Variants in SNX30 observed in about 807,000 individuals in gnomAD.
SNX30 encodes the protein sorting nexin-30.
Under a neutral mutation model 46.4 loss-of-function variants are expected in SNX30, and 24 were observed. The ratio of observed to expected loss-of-function variants is 0.52; its 90% CI spans 0.37 to 0.73. The LOEUF is 0.73. Among genes scored for constraint, SNX30 ranks in the 30% least tolerant of loss-of-function variants. SNX30 has a pLI of 0.00. For synonymous variants in SNX30, 189 were observed against 211.5 expected, an observed-to-expected ratio of 0.89 and a Z score of 0.92; for missense variants, 533 against 555.7, an observed-to-expected ratio of 0.96 and a Z score of 0.41.
intron 3 of SNX30, among the ~76,000 whole-genome samples, chr9:112,830,178 A>T (rs1840639133): frequency 6.6e-6 from 1 of 152,222 alleles, no homozygotes; most frequent in African/African-American, 2.4e-5. Flanking sequence ...AAAGGAAATT[A>T]CGTTTTAAAT....
At chr9:112,768,174 C>T (rs1839576727) in intron 1 of SNX30, among the ~76,000 whole-genome samples, 1 of 152,194 alleles carries the variant, frequency 6.6e-6, no homozygotes, top group Non-Finnish European at 1.5e-5. Flanking sequence ...GTTTACCTCC[C>T]TGGTGCCCTC....
At position 112,869,547 on chromosome 9, in the gene SNX30, A is replaced by G. The variant is rs987103285; in HGVS notation, c.*704A>G. The G allele has an allele frequency of 2.0e-4, 31 of 152,122 alleles. No individual in the cohort carries two copies. The highest frequency in any genetic ancestry group is 7.5e-4 in the African/African-American group (31 of 41,410). The allele number at this position is 152,122 out of a possible 1,614,324, so 9.4% of individuals were successfully genotyped here. ...GGGAAGCTCAGGGGAATGCTCCCCA[A>G]GCTTGTTTCTGACACTAGAATGCAA... On this transcript the variant is annotated 3_prime_UTR_variant, in exon 9 of 9. Coordinates refer to ENST00000374232, the MANE Select transcript of SNX30 (RefSeq NM_001012994.2).
At chr9:112,882,416 G>T (rs555678684), downstream of SNX30, among the ~76,000 whole-genome samples, 1 of 152,208 alleles carries the variant, frequency 6.6e-6, no homozygotes, top group South Asian at 2.1e-4. Context: ...CAAACATTTG[G>T]GTTTTATCCT....
intron 2 of SNX30, among the ~76,000 whole-genome samples, chr9:112,817,383 GAA>G (rs67091600): frequency 0.089 from 8,281 of 92,996 alleles, 511 homozygotes; most frequent in Non-Finnish European, 0.11. Context: ...TGACGGTAGG[GAA>G]AAAAAAAAAA....
intron 7 of SNX30, 54 bp downstream of exon 7, chr9:112,850,999 T>TA: frequency 2.8e-6 from 4 of 1,405,076 alleles, no homozygotes; most frequent in Non-Finnish European, 4.0e-6. Context: ...CTGCTGGTGC[T>TA]AAGTAAATTC....
chr9:112,750,636 CTCCCTCCG>C (rs1839248512), upstream of SNX30, among the ~76,000 whole-genome samples: 3 of 151,908 alleles, frequency 2.0e-5, no homozygotes, highest in African/African-American at 4.8e-5. Flanking sequence ...TCCTCCCTCC[CTCCCTCCG>C]TCCTTCCTTC....
intron 4 of SNX30, among the ~76,000 whole-genome samples, chr9:112,833,237 T>C (rs193032138): frequency 3.3e-5 from 5 of 152,300 alleles, no homozygotes; most frequent in Admixed American, 2.0e-4. Flanking sequence ...TCCTTTAACA[T>C]ACCTTGAATA....
At chr9:112,848,131 G>A (rs1840967556) in intron 6 of SNX30, among the ~76,000 whole-genome samples, 1 of 152,014 alleles carries the variant, frequency 6.6e-6, no homozygotes, top group Non-Finnish European at 1.5e-5. Context: ...CCTTTTTGAT[G>A]TGTCATATCA....
intron 7 of SNX30, among the ~76,000 whole-genome samples, chr9:112,854,896 G>C (rs1841095984): frequency 6.6e-6 from 1 of 152,240 alleles, no homozygotes; most frequent in Non-Finnish European, 1.5e-5. Flanking sequence ...GCTCGGCGTA[G>C]TGTCTGACGT....
chr9:112,838,844 C>A, intron 6 of SNX30, 147 bp downstream of exon 6: 2 of 663,778 alleles, frequency 3.0e-6, no homozygotes, highest in South Asian at 2.0e-5. Context: ...ACATCATGGA[C>A]ATATAAATGG....
chr9:112,853,103 T>C (rs950883999), intron 7 of SNX30, among the ~76,000 whole-genome samples: 1 of 152,236 alleles, frequency 6.6e-6, no homozygotes, highest in African/African-American at 2.4e-5. Flanking sequence ...GCCTCTTTGA[T>C]GCCGAGTGGC....
At chr9:112,857,696 A>T (rs113477510) in intron 7 of SNX30, among the ~76,000 whole-genome samples, 17 of 152,266 alleles carry the variant, frequency 1.1e-4, no homozygotes, top group African/African-American at 4.1e-4. Context: ...AAGGAGACTT[A>T]AGTTGAGATT....
At chr9:112,861,887 ATCC>A (rs971805458) in intron 7 of SNX30, among the ~76,000 whole-genome samples, 1 of 152,026 alleles carries the variant, frequency 6.6e-6, no homozygotes, top group African/African-American at 2.4e-5. Context: ...CGCCCCCTCC[ATCC>A]TCCTCAGCGT....
chr9:112,762,732 A>G (rs1839465000), intron 1 of SNX30, among the ~76,000 whole-genome samples: 1 of 152,174 alleles, frequency 6.6e-6, no homozygotes, highest in African/African-American at 2.4e-5. Context: ...TTCGCTTGAG[A>G]GCTGAAGGAA....
rs1306119181 is a variant in SNX30, at chr9:112,874,637, AGT to A, written c.*5799_*5800del. 6.6e-6 allele frequency: 1 copy of A among 152,170 alleles called. No individual in the cohort carries two copies. The highest frequency in any genetic ancestry group is 1.5e-5 in the Non-Finnish European group (1 of 68,038). 9.4% of individuals were successfully genotyped at this position (152,170 alleles called of 1,614,324 possible). A position where few individuals can be genotyped will look rare whatever the true frequency, so the allele number is the denominator to read the frequency against. On this transcript the variant is annotated 3_prime_UTR_variant, in exon 9 of 9. Coordinates refer to ENST00000374232, the MANE Select transcript of SNX30 (RefSeq NM_001012994.2). Reference sequence around the variant, plus strand: ...CTGTGATAAAAAAAGTGCTTGAGAGAGTGTGTTGATAAGAAAGTGATTTATTT... The same window carrying A: ...CTGTGATAAAAAAAGTGCTTGAGAGAGTGTTGATAAGAAAGTGATTTATTT...
intron 2 of SNX30, among the ~76,000 whole-genome samples, chr9:112,806,314 T>C (rs1840223796): frequency 6.6e-6 from 1 of 152,174 alleles, no homozygotes; most frequent in Non-Finnish European, 1.5e-5. Flanking sequence ...AGGGAGAGAA[T>C]TCACATTATC....
intron 1 of SNX30, among the ~76,000 whole-genome samples, chr9:112,757,701 A>G (rs1457118169): frequency 6.6e-6 from 1 of 152,144 alleles, no homozygotes; most frequent in Non-Finnish European, 1.5e-5. Context: ...CTGAGTCATT[A>G]ACAACTGACT....
chr9:112,755,696 G>A (rs1189138687), intron 1 of SNX30, among the ~76,000 whole-genome samples: 5 of 151,694 alleles, frequency 3.3e-5, no homozygotes, highest in Admixed American at 2.0e-4. Context: ...ACTGGCTCAC[G>A]TTGCTGAAAA....
rs1475630162 is a variant in SNX30 at position 112,871,204 on chromosome 9, G to T, written c.*2361G>T. 3.3e-5 allele frequency: 5 copies of T among 152,104 alleles called. No homozygotes were observed. Among genetic ancestry groups the T allele is most frequent in the Non-Finnish European group, 5.9e-5 (4 of 68,038 alleles). 9.4% of individuals were successfully genotyped at this position (152,104 alleles called of 1,614,324 possible). Reference sequence around the variant, plus strand: ...AACAAGGCAAACTTTATGTCCTCCTGGCATGTTATTGATAACAGAGCCAGG... The same window carrying T: ...AACAAGGCAAACTTTATGTCCTCCTTGCATGTTATTGATAACAGAGCCAGG... On this transcript the variant is annotated 3_prime_UTR_variant, in exon 9 of 9. Transcript: ENST00000374232.
Sources: gnomAD v4.1 joint callset for allele counts (sites outside exome capture counted in the v4.1 genomes callset) on GRCh38, gnomAD v4.1.1 for gene constraint, MANE v1.5 for transcripts, NCBI Gene and HGNC (gene_info 2026-07-23, HGNC 2026-07-21) for gene names.